Variants in SPMIP7 observed in about 807,000 individuals in gnomAD.
SPMIP7 encodes the protein protein SPMIP7.
chr7:50,156,529 G>C, the SPMIP7 span, among the ~76,000 whole-genome samples: 1 of 151,444 alleles, frequency 6.6e-6, no homozygotes, highest in South Asian at 2.1e-4. Context: ...TGTGCCACAC[G>C]AGCTTCCAGT....
the SPMIP7 span, chr7:50,151,372 G>T: frequency 6.4e-6 from 7 of 1,086,384 alleles, no homozygotes; most frequent in Non-Finnish European, 6.7e-6. Flanking sequence ...TTCATATTTG[G>T]GTGCTAGTTA....
At chr7:50,130,488 A>T in the SPMIP7 span, among the ~76,000 whole-genome samples, 1 of 152,014 alleles carries the variant, frequency 6.6e-6, no homozygotes, top group Non-Finnish European at 1.5e-5. Flanking sequence ...ACCTGGCCCC[A>T]CCCTACACAG....
the SPMIP7 span, among the ~76,000 whole-genome samples, chr7:50,146,105 C>A: frequency 6.6e-6 from 1 of 152,178 alleles, no homozygotes; most frequent in African/African-American, 2.4e-5. Context: ...AAGAATAACT[C>A]TATGAATAGT....
At chr7:50,096,030 A>G in the SPMIP7 span, 4 of 1,174,450 alleles carry the variant, frequency 3.4e-6, no homozygotes, top group African/African-American at 3.1e-5. Flanking sequence ...ATAGTTAAAT[A>G]TAAAGGAATT....
the SPMIP7 span, among the ~76,000 whole-genome samples, chr7:50,138,196 T>A: frequency 6.6e-6 from 1 of 152,196 alleles, no homozygotes; most frequent in Non-Finnish European, 1.5e-5. Context: ...GGATCCATTT[T>A]CCCAACATAA....
the SPMIP7 span, among the ~76,000 whole-genome samples, chr7:50,110,781 A>G: frequency 8.6e-6 from 1 of 115,826 alleles, no homozygotes; most frequent in Non-Finnish European, 1.6e-5. Context: ...ATAATGTATA[A>G]TTATAACTAA....
At chr7:50,105,012 G>A in the SPMIP7 span, among the ~76,000 whole-genome samples, 3 of 152,114 alleles carry the variant, frequency 2.0e-5, no homozygotes, top group East Asian at 3.8e-4. Context: ...ATGTTGTTAA[G>A]TAACTGACTT....
chr7:50,152,465 C>T, the SPMIP7 span, among the ~76,000 whole-genome samples: 1 of 152,148 alleles, frequency 6.6e-6, no homozygotes, highest in Non-Finnish European at 1.5e-5. Flanking sequence ...AATTTGAAAG[C>T]ACCTGATGGA....
At chr7:50,148,473 G>T in the SPMIP7 span, among the ~76,000 whole-genome samples, 1 of 152,194 alleles carries the variant, frequency 6.6e-6, no homozygotes, top group Non-Finnish European at 1.5e-5. Context: ...GGCAGGATAT[G>T]ACTTTAGAGG....
the SPMIP7 span, among the ~76,000 whole-genome samples, chr7:50,146,001 G>A: frequency 6.6e-6 from 1 of 152,120 alleles, no homozygotes; most frequent in Non-Finnish European, 1.5e-5. Flanking sequence ...CCCCCAGGCA[G>A]CCCCTGGCAC....
At chr7:50,107,869 A>T in the SPMIP7 span, among the ~76,000 whole-genome samples, 1 of 152,226 alleles carries the variant, frequency 6.6e-6, no homozygotes, top group Non-Finnish European at 1.5e-5. Flanking sequence ...TGGCAGAAAA[A>T]GTCTCAAGTT....
the SPMIP7 span, among the ~76,000 whole-genome samples, chr7:50,102,832 T>C: frequency 1.3e-5 from 2 of 151,868 alleles, no homozygotes; most frequent in African/African-American, 4.8e-5. Context: ...TTTGCTTATT[T>C]CTTTGTGTTC....
chr7:50,130,871 G>T, the SPMIP7 span, among the ~76,000 whole-genome samples: 1 of 152,128 alleles, frequency 6.6e-6, no homozygotes, highest in Non-Finnish European at 1.5e-5. Flanking sequence ...AGAACAAAAG[G>T]CCAGGGTGCC....
At chr7:50,126,194 G>A in the SPMIP7 span, among the ~76,000 whole-genome samples, 4 of 149,898 alleles carry the variant, frequency 2.7e-5, no homozygotes, top group South Asian at 4.2e-4. Flanking sequence ...TAGACTGATC[G>A]AGAAAAAGAG....
chr7:50,116,745 A>T, the SPMIP7 span, among the ~76,000 whole-genome samples: 1 of 152,172 alleles, frequency 6.6e-6, no homozygotes, highest in Non-Finnish European at 1.5e-5. Flanking sequence ...AAAGTTCTTT[A>T]AAAAAATGGA....
the SPMIP7 span, among the ~76,000 whole-genome samples, chr7:50,143,121 G>T: frequency 6.6e-6 from 1 of 151,094 alleles, no homozygotes; most frequent in African/African-American, 2.4e-5. Context: ...ATCATGGCTG[G>T]GAAACACTGC....
At chr7:50,096,425 G>A in the SPMIP7 span, 1 of 1,551,698 alleles carries the variant, frequency 6.4e-7, no homozygotes, top group Non-Finnish European at 8.7e-7. Context: ...TATGAGTCCT[G>A]GTGGTGATGC....
the SPMIP7 span, among the ~76,000 whole-genome samples, chr7:50,149,723 C>G: frequency 1.5e-4 from 23 of 152,348 alleles, no homozygotes; most frequent in Non-Finnish European, 2.9e-4. Flanking sequence ...AATAAGTCAT[C>G]ACCAACAGAG....
At chr7:50,104,457 A>G in the SPMIP7 span, 1 of 670,282 alleles carries the variant, frequency 1.5e-6, no homozygotes, top group Non-Finnish European at 2.1e-6. Context: ...AGTTTATTTC[A>G]TTGTATTATA....
Sources: allele counts gnomAD v4.1 joint callset (sites outside exome capture counted in the v4.1 genomes callset), GRCh38; gene constraint gnomAD v4.1.1; transcripts MANE v1.5; gene names NCBI Gene and HGNC (gene_info 2026-07-23, HGNC 2026-07-21).